DIO2: variants seen among roughly 807,000 people sequenced by gnomAD.
DIO2 encodes iodothyronine deiodinase 2, also known as type II iodothyronine deiodinase.
In DIO2, 19 loss-of-function variants were observed where a neutral mutation model predicts 21.4. The observed-to-expected ratio is 0.89, with a 90% confidence interval of 0.62 to 1.30. DIO2 has a LOEUF of 1.30. Ranked by LOEUF, DIO2 falls within the 50% of genes most tolerant of loss-of-function variation. The probability of loss-of-function intolerance (pLI) is 0.00; values close to 1 mark genes in which losing one functional copy is unlikely to be tolerated. For synonymous variants in DIO2, 122 were observed against 132.9 expected (o/e 0.92, Z 0.57); for missense variants, 302 against 338.1 (o/e 0.89, Z 0.84).
At chr14:80,228,816 T>C (rs1252886262) in intron 2 of DIO2, among the ~76,000 whole-genome samples, 1 of 152,118 alleles carries the variant, frequency 6.6e-6, no homozygotes, top group East Asian at 1.9e-4. Context: ...CCTCTATAAG[T>C]CCCTACTTTA....
At chr14:80,213,091 G>A (rs907636503), upstream of DIO2, among the ~76,000 whole-genome samples, 2 of 152,106 alleles carry the variant, frequency 1.3e-5, no homozygotes, top group African/African-American at 4.8e-5. Flanking sequence ...TTAATTAAAT[G>A]TATGGGAAGT....
At chr14:80,211,775 T>TAAAAA (rs10540744), upstream of DIO2, 1 of 6,028 alleles carries the variant, frequency 1.7e-4, no homozygotes, top group African/African-American at 9.4e-4. Flanking sequence ...TTTAAGATGT[T>TAAAAA]AAAAAAAAAA....
At position 80,202,206 on chromosome 14, in the gene DIO2, G is replaced by A. The variant is rs1472588475; in HGVS notation, c.*483C>T. 8.6e-6 allele frequency: 4 copies of A among 464,486 alleles called. No individual in the cohort carries two copies. The highest frequency in any genetic ancestry group is 1.7e-5 in the South Asian group (1 of 60,572). 28.8% of individuals were successfully genotyped at this position (464,486 alleles called of 1,614,324 possible). A position where few individuals can be genotyped will look rare whatever the true frequency, so the allele number is the denominator to read the frequency against. ...CATAAGGTCTAACCTTAACACCAAC[G>A]TCTAACCACATGGCCTGGGTTCAAG... On this transcript the variant is annotated 3_prime_UTR_variant, in exon 2 of 2. Coordinates refer to ENST00000438257, the MANE Select transcript of DIO2 (RefSeq NM_013989.5).
intron 2 of DIO2, among the ~76,000 whole-genome samples, chr14:80,223,500 G>T (rs1489331159): frequency 1.3e-5 from 2 of 152,128 alleles, no homozygotes; most frequent in African/African-American, 2.4e-5. Flanking sequence ...AGAAGAAAGG[G>T]GTAATTTAAA....
At chr14:80,210,096 C>G (rs1272704112) in intron 1 of DIO2, among the ~76,000 whole-genome samples, 1 of 152,170 alleles carries the variant, frequency 6.6e-6, no homozygotes, top group African/African-American at 2.4e-5. Flanking sequence ...TGTACAGTTG[C>G]TTTTTCTGGC....
In DIO2 at chr14:80,202,243, A is replaced by G; in HGVS notation, c.*446T>C. ...GGCCTGGGTTCAAGGACTTGTTGTAATATTTGGGAATTTTCCAACTGGGCT... is the reference window on the plus strand; with the variant it reads ...GGCCTGGGTTCAAGGACTTGTTGTAGTATTTGGGAATTTTCCAACTGGGCT... On this transcript the variant is annotated 3_prime_UTR_variant, in exon 2 of 2. Coordinates refer to ENST00000438257, the MANE Select transcript of DIO2 (RefSeq NM_013989.5). 2.0e-6 allele frequency: 1 copy of G among 510,064 alleles called. No homozygotes were observed. Among genetic ancestry groups the G allele is most frequent in the Non-Finnish European group, 3.9e-6 (1 of 256,036 alleles). 31.6% of individuals were successfully genotyped at this position (510,064 alleles called of 1,614,324 possible). A position where few individuals can be genotyped will look rare whatever the true frequency, so the allele number is the denominator to read the frequency against.
rs545073562 is a variant in DIO2, at chr14:80,199,759, G to C, written c.*2930C>G. On this transcript the variant is annotated 3_prime_UTR_variant, in exon 2 of 2. Coordinates refer to ENST00000438257, the MANE Select transcript of DIO2 (RefSeq NM_013989.5). Reference sequence around the variant, plus strand: ...TAGACAAGCTAATGAAGCTTAAAAGGCTAAACCGATAGCTCCATGTAAACA... The same window carrying C: ...TAGACAAGCTAATGAAGCTTAAAAGCCTAAACCGATAGCTCCATGTAAACA... 3.3e-5 allele frequency: 5 copies of C among 152,534 alleles called. No individual in the cohort carries two copies. Among genetic ancestry groups the C allele is most frequent in the East Asian group, 1.9e-4 (1 of 5,204 alleles). The allele number at this position is 152,534 out of a possible 1,614,324, so 9.4% of individuals were successfully genotyped here. A position where few individuals can be genotyped will look rare whatever the true frequency, so the allele number is the denominator to read the frequency against.
intron 1 of DIO2, chr14:80,205,804 T>A (rs1594874312): frequency 2.1e-6 from 2 of 972,490 alleles, no homozygotes; most frequent in East Asian, 1.2e-4. Flanking sequence ...TAGCATTTTG[T>A]TAGGATTAGG....
At chr14:80,209,691 C>T (rs1006732799) in intron 1 of DIO2, among the ~76,000 whole-genome samples, 1 of 152,198 alleles carries the variant, frequency 6.6e-6, no homozygotes. Context: ...GAACTTTGAG[C>T]ACCAATTCAT....
upstream of DIO2, among the ~76,000 whole-genome samples, chr14:80,212,342 T>C (rs1290681553): frequency 6.6e-6 from 1 of 152,024 alleles, no homozygotes; most frequent in Non-Finnish European, 1.5e-5. Flanking sequence ...ACAACTTTTT[T>C]TTTTTAGAAG....
chr14:80,222,035 A>AG (rs1181613298), intron 2 of DIO2, among the ~76,000 whole-genome samples: 2 of 152,200 alleles, frequency 1.3e-5, no homozygotes, highest in Non-Finnish European at 2.9e-5. Flanking sequence ...GAGAGGAGGA[A>AG]GGTGGGAGGG....
chr14:80,205,775 G>A, intron 1 of DIO2: 2 of 1,206,630 alleles, frequency 1.7e-6, no homozygotes, highest in Non-Finnish European at 2.1e-6. Flanking sequence ...AATTCGTAAT[G>A]CTCTTTATGG....
At chr14:80,206,584 G>A (rs1254438479) in intron 1 of DIO2, among the ~76,000 whole-genome samples, 3 of 152,094 alleles carry the variant, frequency 2.0e-5, no homozygotes, top group African/African-American at 7.2e-5. Flanking sequence ...CTCCCCACGA[G>A]CAAAGCATTC....
rs1887745174 is a variant in DIO2, at chr14:80,201,968, T to C, written c.*721A>G. On this transcript the variant is annotated 3_prime_UTR_variant, in exon 2 of 2. Coordinates refer to ENST00000438257, the MANE Select transcript of DIO2 (RefSeq NM_013989.5). ...TGAAACTCTGTGAATTTTCCAAATC[T>C]TTCTGCCTCCTCTTTCCTAGCTTGT... 5.8e-6 allele frequency: 1 copy of C among 173,026 alleles called. No individual in the cohort carries two copies. The highest frequency in any genetic ancestry group is 1.2e-5 in the Non-Finnish European group (1 of 81,626). 10.7% of individuals were successfully genotyped at this position (173,026 alleles called of 1,614,324 possible).
At chr14:80,225,581 A>G (rs1594883624) in intron 2 of DIO2, among the ~76,000 whole-genome samples, 1 of 152,246 alleles carries the variant, frequency 6.6e-6, no homozygotes, top group Non-Finnish European at 1.5e-5. Flanking sequence ...AGCTGTTCAC[A>G]TGGTCATAGC....
intron 2 of DIO2, among the ~76,000 whole-genome samples, chr14:80,224,829 T>C (rs1174072102): frequency 2.6e-5 from 4 of 152,162 alleles, no homozygotes; most frequent in African/African-American, 4.8e-5. Flanking sequence ...CAGGGTTCCC[T>C]AGAGGGACAG....
rs909734983 is a variant in DIO2 at position 80,218,715 on chromosome 14, T to C, written c.-277-1978A>G. Among the ~76,000 whole-genome samples the C allele has an allele frequency of 5.8e-4, 89 of 152,284 alleles. 2 individuals are homozygous for C. Among genetic ancestry groups the C allele is most frequent in the African/African-American group, 2.1e-3 (88 of 41,562 alleles). On this transcript the variant is annotated intron_variant, in intron 2 of 4. Coordinates refer to the DIO2 transcript ENST00000553594. ...TGTTTGGGCCTGGCAAGGTGGGTCA[T>C]GCCTCTAATCCCAGCACTTTGGGAG...
At chr14:80,206,876 C>T (rs1377107554) in intron 1 of DIO2, among the ~76,000 whole-genome samples, 1 of 152,110 alleles carries the variant, frequency 6.6e-6, no homozygotes, top group African/African-American at 2.4e-5. Flanking sequence ...TAGGTCGGTA[C>T]CTCTTTCCCT....
chr14:80,198,149 G>C lies in DIO2; in HGVS notation c.*4540C>G, dbSNP rs1368621326. On this transcript the variant is annotated 3_prime_UTR_variant, in exon 2 of 2. Coordinates refer to ENST00000438257, the MANE Select transcript of DIO2 (RefSeq NM_013989.5). ...TTTACCTGTTGGCTTTTTGAGGGGA[G>C]GGGGAGAAGTGGAGGGTTTGAGCCA... 3 of 152,558 alleles carry C rather than the reference G, an allele frequency of 2.0e-5. No homozygotes were observed. Among genetic ancestry groups the C allele is most frequent in the African/African-American group, 7.2e-5 (3 of 41,392 alleles). 9.5% of individuals were successfully genotyped at this position (152,558 alleles called of 1,614,324 possible).
Sources: allele counts gnomAD v4.1 joint callset (sites outside exome capture counted in the v4.1 genomes callset), GRCh38; gene constraint gnomAD v4.1.1; transcripts MANE v1.5; gene names NCBI Gene and HGNC (gene_info 2026-07-23, HGNC 2026-07-21).